HSDL2: variants seen among roughly 807,000 people sequenced by gnomAD.
The protein encoded by HSDL2 is hydroxysteroid dehydrogenase-like protein 2.
In HSDL2, 27 loss-of-function variants were observed where a neutral mutation model predicts 46.3. That is an observed-to-expected ratio of 0.58 (90% CI 0.43 to 0.80). The LOEUF is 0.80. HSDL2 is among the 30% of genes least tolerant of loss of function. The probability of loss-of-function intolerance (pLI) is 0.00; values close to 1 mark genes in which losing one functional copy is unlikely to be tolerated. For synonymous variants in HSDL2, 153 were observed against 163.6 expected, an observed-to-expected ratio of 0.94 and a Z score of 0.50; for missense variants, 451 against 502.7, an observed-to-expected ratio of 0.90 and a Z score of 0.98.
chr9:112,398,710 C>T (rs1345403733), intron 1 of HSDL2, among the ~76,000 whole-genome samples: 1 of 152,110 alleles, frequency 6.6e-6, no homozygotes, highest in East Asian at 1.9e-4. Flanking sequence ...TCACCCCAAA[C>T]AGTGACGGGA....
chr9:112,402,674 G>T (rs554273506), intron 1 of HSDL2, among the ~76,000 whole-genome samples: 1 of 152,206 alleles, frequency 6.6e-6, no homozygotes, highest in South Asian at 2.1e-4. Flanking sequence ...TGTAATCCCA[G>T]CACTTTGGGA....
At position 112,416,922 on chromosome 9, in the gene HSDL2, A is replaced by T; in HGVS notation, c.477A>T (p.Pro159=). 1.9e-6 allele frequency: 3 copies of T among 1,596,900 alleles called. No homozygotes were observed. The highest frequency in any genetic ancestry group is 1.7e-6 in the Non-Finnish European group (2 of 1,164,748). ...TCAGTCCACCACTGAACCTAAATCCAGTTTGGTTCAAACAGCACTGTGGTA... is the reference window on the plus strand; with the variant it reads ...TCAGTCCACCACTGAACCTAAATCCTGTTTGGTTCAAACAGCACTGTGGTA... The part of the protein sequence containing the change: ...LNISPPLNLN[P]VWFKQHCAYT... The change falls in exon 5 of 11, where the codon CCA becomes CCT. Residue 159 remains proline, a synonymous_variant. Coordinates refer to ENST00000398805, the MANE Select transcript of HSDL2 (RefSeq NM_032303.5).
chr9:112,437,571 TGC>T (rs1313810077), intron 6 of HSDL2, among the ~76,000 whole-genome samples: 1 of 135,004 alleles, frequency 7.4e-6, no homozygotes, highest in Non-Finnish European at 1.7e-5. Flanking sequence ...CAAGAATGTG[TGC>T]ATGTGTTTGG....
At chr9:112,453,086 T>G (rs1468284461) in intron 8 of HSDL2, among the ~76,000 whole-genome samples, 2 of 152,094 alleles carry the variant, frequency 1.3e-5, no homozygotes, top group South Asian at 2.1e-4. Flanking sequence ...TGTCCTCAGT[T>G]TTTTACATGA....
chr9:112,466,202 T>C (rs1833373402), intron 10 of HSDL2, among the ~76,000 whole-genome samples: 1 of 152,224 alleles, frequency 6.6e-6, no homozygotes, highest in Admixed American at 6.5e-5. Context: ...CTTGGAGAAA[T>C]GTCCCTTCAA....
chr9:112,401,852 A>C (rs1831607260), intron 1 of HSDL2, among the ~76,000 whole-genome samples: 1 of 152,150 alleles, frequency 6.6e-6, no homozygotes, highest in South Asian at 2.1e-4. Context: ...ATTGTTTTAC[A>C]TGCTTTTTAT....
At chr9:112,400,265 G>A (rs1831558539) in intron 1 of HSDL2, among the ~76,000 whole-genome samples, 1 of 152,142 alleles carries the variant, frequency 6.6e-6, no homozygotes, top group East Asian at 1.9e-4. Flanking sequence ...TTGGGGAGGT[G>A]GTGGAGCTAC....
intron 1 of HSDL2, among the ~76,000 whole-genome samples, chr9:112,386,199 C>T (rs529226710): frequency 5.9e-5 from 9 of 152,144 alleles, no homozygotes; most frequent in African/African-American, 2.2e-4. Flanking sequence ...TATTATTGTA[C>T]TCTTTCTAAA....
intron 6 of HSDL2, among the ~76,000 whole-genome samples, chr9:112,426,570 A>C (rs777016340): frequency 6.6e-6 from 1 of 152,110 alleles, no homozygotes. Context: ...TTAGGTGTAC[A>C]TCCTGCAGCT....
At chr9:112,449,346 C>T (rs1482146651) in intron 8 of HSDL2, among the ~76,000 whole-genome samples, 10 of 151,790 alleles carry the variant, frequency 6.6e-5, no homozygotes, top group Admixed American at 6.6e-4. Flanking sequence ...CTTGGCTTCC[C>T]AAAGTGCTAG....
chr9:112,424,636 T>G (rs1025630871), intron 6 of HSDL2, among the ~76,000 whole-genome samples: 1 of 152,070 alleles, frequency 6.6e-6, no homozygotes, highest in African/African-American at 2.4e-5. Context: ...ATTTATAGTT[T>G]TATTGTAATA....
intron 1 of HSDL2, among the ~76,000 whole-genome samples, chr9:112,385,877 C>T (rs1247222203): frequency 6.6e-5 from 10 of 152,052 alleles, no homozygotes; most frequent in African/African-American, 1.2e-4. Flanking sequence ...CTGCCCACCT[C>T]GGCCTCCCAA....
intron 1 of HSDL2, among the ~76,000 whole-genome samples, chr9:112,391,697 G>T (rs1831347494): frequency 6.6e-6 from 1 of 152,060 alleles, no homozygotes; most frequent in Non-Finnish European, 1.5e-5. Flanking sequence ...CCTGAGGTCA[G>T]GAGTTCAAGA....
intron 10 of HSDL2, among the ~76,000 whole-genome samples, chr9:112,464,472 A>G (rs1475768195): frequency 6.6e-6 from 1 of 152,142 alleles, no homozygotes; most frequent in Non-Finnish European, 1.5e-5. Context: ...TTTTCCCACT[A>G]AATATTTTCT....
intron 3 of HSDL2, among the ~76,000 whole-genome samples, chr9:112,407,220 T>G (rs1211266564): frequency 6.6e-6 from 1 of 152,210 alleles, no homozygotes; most frequent in East Asian, 1.9e-4. Context: ...TTTGTCCAAC[T>G]GATAGGGCGC....
chr9:112,426,209 C>T (rs1214267545), intron 6 of HSDL2, among the ~76,000 whole-genome samples: 3 of 149,784 alleles, frequency 2.0e-5, no homozygotes, highest in Non-Finnish European at 4.4e-5. Context: ...CTTTCCTACA[C>T]AATCCCCACT....
chr9:112,386,378 G>A (rs953943115), intron 1 of HSDL2, among the ~76,000 whole-genome samples: 3 of 152,022 alleles, frequency 2.0e-5, no homozygotes, highest in African/African-American at 2.4e-5. Flanking sequence ...TAATGCTGTC[G>A]TTATTTGCCG....
At chr9:112,416,155 A>C (rs1831986131) in intron 4 of HSDL2, among the ~76,000 whole-genome samples, 1 of 151,300 alleles carries the variant, frequency 6.6e-6, no homozygotes, top group South Asian at 2.1e-4. Context: ...CACACTTGTA[A>C]TCCTAGTACT....
At position 112,407,892 on chromosome 9, in the gene HSDL2, T is replaced by C. The variant is rs2132627109; in HGVS notation, c.281-1015T>C. Among the ~76,000 whole-genome samples, 4 of 152,206 alleles carry C rather than the reference T, an allele frequency of 2.6e-5. No individual in the cohort carries two copies. In the South Asian group the frequency reaches 8.3e-4, roughly 31 times the overall value. On this transcript the variant is annotated intron_variant, in intron 3 of 10. Transcript: ENST00000398805. ...AGACCAGGTAGAAACAAAGAAAAAA[T>C]GTTTGACATAGTTTTTGTATTTTTA... is the stretch of plus-strand genomic sequence containing the variant.
Sources: allele counts gnomAD v4.1 joint callset (sites outside exome capture counted in the v4.1 genomes callset), GRCh38; gene constraint gnomAD v4.1.1; transcripts MANE v1.5; gene names NCBI Gene and HGNC (gene_info 2026-07-23, HGNC 2026-07-21).